The following CFAP70 variants were observed in gnomAD, a reference collection of about 807,000 sequenced individuals.
CFAP70 encodes the protein cilia and flagella associated protein 70.
In CFAP70, 81 loss-of-function variants were observed where a neutral mutation model predicts 137.6. That is an observed-to-expected ratio of 0.59 (90% CI 0.49 to 0.71). CFAP70 has a LOEUF of 0.71. CFAP70 is among the 30% of genes least tolerant of loss of function. CFAP70 has a pLI of 0.00. For missense variants in CFAP70, 976 were observed against 1,226.7 expected (o/e 0.80, Z 3.05); for synonymous variants, 382 against 423.6 (o/e 0.90, Z 1.20).
Position 73,270,621 on chromosome 10 carries a change from C to T in CFAP70, c.2926-906G>A, listed in dbSNP as rs1484355960. 6.3e-5 allele frequency among the ~76,000 whole-genome samples: 9 copies of T among 141,862 alleles called. No individual in the cohort carries two copies. In the South Asian group the frequency reaches 9.4e-4, roughly 15 times the overall value. 93.1% of individuals were successfully genotyped at this position (141,862 alleles called of 152,430 possible). On this transcript the variant is annotated intron_variant, in intron 24 of 26. Transcript: ENST00000310715. Reference sequence around the variant, plus strand: ...CATGATTTCAGCTCACTGCAACCTCCGCCTCCCAGGTTTAATCGATTCTCT... The same window carrying T: ...CATGATTTCAGCTCACTGCAACCTCTGCCTCCCAGGTTTAATCGATTCTCT...
chr10:73,265,072 T>C (rs2045625193), intron 25 of CFAP70, among the ~76,000 whole-genome samples: 1 of 152,190 alleles, frequency 6.6e-6, no homozygotes, highest in African/African-American at 2.4e-5. Flanking sequence ...ACGCCTGTAA[T>C]CCCAGCACTT....
chr10:73,353,594 C>T, exon 3 of CFAP70: 1 of 1,614,158 alleles, frequency 6.2e-7, no homozygotes, highest in Non-Finnish European at 8.5e-7. Flanking sequence ...TGAAGTGATT[C>T]CTCCTTCAGG....
chr10:73,256,658 C>G (rs1334726858), intron 25 of CFAP70, among the ~76,000 whole-genome samples: 1 of 151,898 alleles, frequency 6.6e-6, no homozygotes, highest in African/African-American at 2.4e-5. Context: ...AATCCCAGCA[C>G]TTTGGGAGAC....
chr10:73,278,110 A>G (rs2131777321), intron 20 of CFAP70, 69 bp downstream of exon 21: 1 of 1,481,552 alleles, frequency 6.7e-7, no homozygotes. Context: ...CCATTTCATC[A>G]TCGTAAGAGT....
In CFAP70 at chr10:73,275,706, T is replaced by G; in HGVS notation, c.2521-108A>C. ...AAATAATACGAAATGTATTACAGAA[T>G]GAAATAATTATCCTCAACTTCAAAA... On this transcript the variant is annotated intron_variant, in intron 21 of 26. Coordinates refer to ENST00000310715, the Ensembl canonical transcript of CFAP70. The surrounding 1 kb of genome is among the most constrained non-coding windows in gnomAD (Gnocchi z 4.0). The G allele has an allele frequency of 9.9e-7, 1 of 1,006,392 alleles. No individual in the cohort carries two copies. The highest frequency in any genetic ancestry group is 1.4e-6 in the Non-Finnish European group (1 of 728,146). The allele number at this position is 1,006,392 out of a possible 1,614,324, so 62.3% of individuals were successfully genotyped here. A position where few individuals can be genotyped will look rare whatever the true frequency, so the allele number is the denominator to read the frequency against.
At chr10:73,295,571 T>TA (rs1346625313) in intron 15 of CFAP70, 1 of 151,640 alleles carries the variant, frequency 6.6e-6, no homozygotes, top group African/African-American at 2.4e-5. Flanking sequence ...AGGTTAACAA[T>TA]AACTTCCTTA....
intron 5 of CFAP70, among the ~76,000 whole-genome samples, 155 bp from the exon 7 acceptor site, chr10:73,341,736 T>C (rs189036803): frequency 6.6e-6 from 1 of 152,380 alleles, no homozygotes; most frequent in East Asian, 1.9e-4. Context: ...GTGCCCTTCA[T>C]TCCCTTTGTG....
intron 8 of CFAP70, among the ~76,000 whole-genome samples, chr10:73,324,141 C>G (rs2051150342): frequency 6.6e-6 from 1 of 152,202 alleles, no homozygotes; most frequent in Admixed American, 6.5e-5. Context: ...GACAAAACTT[C>G]CAGAGGAACG....
Position 73,312,706 on chromosome 10 carries a change from A to C in CFAP70, c.913-63T>G, listed in dbSNP as rs961081847. 1.1e-5 allele frequency: 15 copies of C among 1,381,088 alleles called. No individual in the cohort carries two copies. The Admixed American group carries it at 3.8e-4, about 35-fold the overall frequency. 85.6% of individuals were successfully genotyped at this position (1,381,088 alleles called of 1,614,324 possible). On this transcript the variant is annotated intron_variant, in intron 9 of 26. Transcript: ENST00000310715. The stretch of plus-strand genomic sequence containing the variant: ...TGAGACAAACTTGAAAGAAATACAC[A>C]TTATTTTTTTTTACCATTTAGTCTT...
At position 73,264,686 on chromosome 10, in the gene CFAP70, C is replaced by T. The variant is rs2045586937; in HGVS notation, c.3027+4928G>A. ...GTGTATAAAGGTTTTTTCTCTTTAG[C>T]CTGATATATAGTATGTATTAGTCTA... On this transcript the variant is annotated intron_variant, in intron 25 of 26. Coordinates refer to ENST00000310715, the Ensembl canonical transcript of CFAP70. 2.0e-5 allele frequency among the ~76,000 whole-genome samples: 3 copies of T among 152,072 alleles called. No homozygotes were observed. The South Asian group carries it at 6.2e-4, about 31-fold the overall frequency.
chr10:73,326,306 AT>A, intron 8 of CFAP70, among the ~76,000 whole-genome samples: 1 of 149,740 alleles, frequency 6.7e-6, no homozygotes, highest in Non-Finnish European at 1.5e-5. Flanking sequence ...AAGACACAAC[AT>A]ACCAGAATCT....
intron 25 of CFAP70, 65 bp from the exon 27 acceptor site, chr10:73,256,481 T>C: frequency 6.3e-7 from 1 of 1,583,416 alleles, no homozygotes; most frequent in Non-Finnish European, 8.7e-7. Context: ...GAAAATACAT[T>C]GCCTCAGCTA....
intron 3 of CFAP70, among the ~76,000 whole-genome samples, chr10:73,352,468 T>G (rs944823646): frequency 1.3e-5 from 2 of 149,722 alleles, no homozygotes; most frequent in Admixed American, 6.6e-5. Flanking sequence ...TATCAGGCTT[T>G]CTTTCTTTTT....
In CFAP70 at chr10:73,322,951, AT is replaced by A. The variant is rs754324145; in HGVS notation, c.912+11del. 4.4e-6 allele frequency: 7 copies of A among 1,575,212 alleles called. No individual in the cohort carries two copies. The highest frequency in any genetic ancestry group is 6.0e-6 in the Non-Finnish European group (7 of 1,165,638). ...AAATTACCATGATGATTTTTATGCA[AT>A]TTTTTCTTACCTTTTCATGGACTAC... On this transcript the variant is annotated intron_variant, in intron 9 of 26. Coordinates refer to ENST00000310715, the Ensembl canonical transcript of CFAP70.
upstream of CFAP70, among the ~76,000 whole-genome samples, chr10:73,360,910 A>C (rs2054979487): frequency 6.6e-6 from 1 of 152,204 alleles, no homozygotes; most frequent in Admixed American, 6.5e-5. Flanking sequence ...TAGGCAAGCA[A>C]GGATAAATAA....
intron 8 of CFAP70, among the ~76,000 whole-genome samples, chr10:73,326,497 T>C (rs1179636515): frequency 1.4e-5 from 2 of 145,790 alleles, no homozygotes; most frequent in Non-Finnish European, 3.0e-5. Flanking sequence ...AGAGCAGAAC[T>C]GAAGGAAATA....
At chr10:73,344,434 C>T (rs996135268) in intron 5 of CFAP70, among the ~76,000 whole-genome samples, 1 of 152,202 alleles carries the variant, frequency 6.6e-6, no homozygotes, top group Non-Finnish European at 1.5e-5. Context: ...GTGGGCTGTT[C>T]CCCGGAAGGG....
At chr10:73,351,529 G>C (rs968488037) in intron 3 of CFAP70, among the ~76,000 whole-genome samples, 14 of 151,690 alleles carry the variant, frequency 9.2e-5, no homozygotes, top group African/African-American at 3.2e-4. Flanking sequence ...CACCTCTCAG[G>C]TTAAGTGATT....
Position 73,285,786 on chromosome 10 carries a change from C to G in CFAP70, c.2239+5440G>C, listed in dbSNP as rs553201530. Among the ~76,000 whole-genome samples the G allele has an allele frequency of 2.0e-3, 301 of 151,972 alleles. 3 individuals are homozygous for G. Among genetic ancestry groups the G allele is most frequent in the African/African-American group, 7.0e-3 (290 of 41,462 alleles). ...AGTAGCTGGGATTACAGGCGCCCAC[C>G]ACCACACCTGGCTAGTTTTTATATT... On this transcript the variant is annotated intron_variant, in intron 19 of 26. Coordinates refer to ENST00000310715, the Ensembl canonical transcript of CFAP70.
Sources: allele counts gnomAD v4.1 joint callset (sites outside exome capture counted in the v4.1 genomes callset), GRCh38; gene constraint gnomAD v4.1.1; non-coding constraint Gnocchi (gnomAD v3.1); transcripts MANE v1.5; gene names NCBI Gene and HGNC (gene_info 2026-07-23, HGNC 2026-07-21).